Variants in OR2L2 observed in about 807,000 individuals in gnomAD.
The protein encoded by OR2L2 is olfactory receptor family 2 subfamily L member 2, also known as olfactory receptor 2L2.
For missense variants in OR2L2, 378 were observed against 375.2 expected (o/e 1.01, Z -0.06); for synonymous variants, 156 against 135.4 (o/e 1.15, Z -1.06).
At chr1:248,034,056 A>G (rs538707041) in intron 1 of OR2L2, among the ~76,000 whole-genome samples, 11 of 152,146 alleles carry the variant, frequency 7.2e-5, no homozygotes, top group Non-Finnish European at 1.6e-4. Flanking sequence ...ATTAATGTTC[A>G]CAAATCAGCT....
intron 1 of OR2L2, among the ~76,000 whole-genome samples, chr1:248,031,965 G>A (rs547871069): frequency 6.6e-6 from 1 of 151,690 alleles, no homozygotes; most frequent in Non-Finnish European, 1.5e-5. Flanking sequence ...GTTTGTCATC[G>A]ACTGCCCTAT....
Position 248,039,826 on chromosome 1 carries a change from T to C in OR2L2, c.*620T>C, listed in dbSNP as rs1662893686. On this transcript the variant is annotated 3_prime_UTR_variant, in exon 3 of 3. Transcript: ENST00000641771. ...AGTTTTTATTTACTCTCAACTGGTA[T>C]GTATGTCTTCTTCTTTTTCTTAAAG... The C allele has an allele frequency of 6.6e-6, 1 of 152,216 alleles. No homozygotes were observed. Among genetic ancestry groups the C allele is most frequent in the African/African-American group, 2.4e-5 (1 of 41,450 alleles). The allele number at this position is 152,216 out of a possible 1,614,324, so 9.4% of individuals were successfully genotyped here. A position where few individuals can be genotyped will look rare whatever the true frequency, so the allele number is the denominator to read the frequency against.
intron 2 of OR2L2, among the ~76,000 whole-genome samples, chr1:248,037,753 C>G (rs73141394): frequency 0.037 from 5,567 of 152,226 alleles, 348 homozygotes; most frequent in African/African-American, 0.13. Context: ...GTTTTGCTTT[C>G]CGTGGTTTCT....
Position 248,040,789 on chromosome 1 carries a change from A to G in OR2L2, c.*1583A>G, listed in dbSNP as rs561726264. On this transcript the variant is annotated 3_prime_UTR_variant, in exon 3 of 3. Transcript: ENST00000641771. ...GAGTTCAAAGTTAAATGCATATTCTACTGCTTGGCGGTCAGTGACCCTAAT... is the reference window on the plus strand; with the variant it reads ...GAGTTCAAAGTTAAATGCATATTCTGCTGCTTGGCGGTCAGTGACCCTAAT... The G allele has an allele frequency of 7.6e-4, 116 of 152,274 alleles. No homozygotes were observed. Among genetic ancestry groups the G allele is most frequent in the African/African-American group, 2.7e-3 (114 of 41,562 alleles). The allele number at this position is 152,274 out of a possible 1,614,324, so 9.4% of individuals were successfully genotyped here.
At chr1:248,038,165 C>T (rs2103095856) in intron 2 of OR2L2, 82 bp from the exon 3 acceptor site, 2 of 780,994 alleles carry the variant, frequency 2.6e-6, no homozygotes, top group East Asian at 2.5e-5. Context: ...CAGTTTCAGG[C>T]ATCCACTGGG....
rs1572684936 is a variant in OR2L2, at chr1:248,031,325, A to C, written c.-97+1090A>C. ...GAGATGCTACATTGGTGTTCATGAG[A>C]TATTGTAACATCGCAGAACACATCT... On this transcript the variant is annotated intron_variant, in intron 1 of 2. Coordinates refer to ENST00000641771, the MANE Select transcript of OR2L2 (RefSeq NM_001385855.1). Among the ~76,000 whole-genome samples the C allele has an allele frequency of 4.6e-5, 7 of 152,308 alleles. No individual in the cohort carries two copies. The South Asian group carries it at 1.4e-3, about 32-fold the overall frequency.
intron 1 of OR2L2, among the ~76,000 whole-genome samples, chr1:248,035,282 C>T (rs1429399555): frequency 6.6e-6 from 1 of 151,982 alleles, no homozygotes. Context: ...AACCCCGTCT[C>T]TACTAAAAAT....
At chr1:248,036,983 C>T (rs1056763947) in intron 2 of OR2L2, among the ~76,000 whole-genome samples, 4 of 152,030 alleles carry the variant, frequency 2.6e-5, no homozygotes, top group Admixed American at 6.5e-5. Context: ...ACATCGTATA[C>T]GGGGAGAGCT....
Position 248,039,278 on chromosome 1 carries a change from C to T in OR2L2, c.*72C>T, listed in dbSNP as rs1662874703. The T allele has an allele frequency of 1.5e-6, 2 of 1,357,422 alleles. No individual in the cohort carries two copies. The highest frequency in any genetic ancestry group is 2.3e-5 in the East Asian group (1 of 43,478). 84.1% of individuals were successfully genotyped at this position (1,357,422 alleles called of 1,614,324 possible). A position where few individuals can be genotyped will look rare whatever the true frequency, so the allele number is the denominator to read the frequency against. On this transcript the variant is annotated 3_prime_UTR_variant, in exon 3 of 3. Transcript: ENST00000641771. ...AGTAGTGTACAGCAGTGAAGAAAAA[C>T]ATTATTACATGCCCAGTGTGTCAAA...
intron 1 of OR2L2, 62 bp downstream of exon 1, chr1:248,030,297 A>T (rs1278696554): frequency 6.6e-6 from 1 of 152,190 alleles, no homozygotes; most frequent in Non-Finnish European, 1.5e-5. Context: ...GACTCTGGCA[A>T]GTGCTTAAGA....
chr1:248,032,713 C>T (rs772631039), intron 1 of OR2L2, among the ~76,000 whole-genome samples: 9 of 152,014 alleles, frequency 5.9e-5, no homozygotes, highest in Non-Finnish European at 1.2e-4. Context: ...AATAATATTC[C>T]ATTGTATGTA....
chr1:248,030,503 A>G (rs1470774016), intron 1 of OR2L2, among the ~76,000 whole-genome samples: 1 of 152,188 alleles, frequency 6.6e-6, no homozygotes, highest in Non-Finnish European at 1.5e-5. Flanking sequence ...ATTATATTAG[A>G]CTATGCTTTC....
chr1:248,038,737 C>T lies in OR2L2; in HGVS notation c.470C>T (p.Ala157Val), dbSNP rs375260042. ...SWMISSINSC[A>V]HTVYALCIPY... ...ATGATAAGCTCTATCAACTCTTGTG[C>T]TCACACAGTATATGCACTCTGTATC... The change falls in exon 3 of 3, where the codon GCT becomes GTT. Residue 157 changes from alanine (A) to valine (V), a missense_variant. Physicochemically the swap from Ala to Val is moderately conservative, Grantham distance 64. Coordinates refer to ENST00000641771, the MANE Select transcript of OR2L2 (RefSeq NM_001385855.1). 15 of 1,614,012 alleles carry T rather than the reference C, an allele frequency of 9.3e-6. No individual in the cohort carries two copies. Among genetic ancestry groups the T allele is most frequent in the South Asian group, 2.2e-5 (2 of 91,088 alleles).
intron 2 of OR2L2, among the ~76,000 whole-genome samples, chr1:248,037,148 T>C (rs1662786477): frequency 6.6e-6 from 1 of 152,114 alleles, no homozygotes; most frequent in Non-Finnish European, 1.5e-5. Flanking sequence ...TGAATTACAT[T>C]TCATGAAAAA....
chr1:248,030,833 G>T (rs1393064446), intron 1 of OR2L2, among the ~76,000 whole-genome samples: 1 of 152,160 alleles, frequency 6.6e-6, no homozygotes, highest in Non-Finnish European at 1.5e-5. Flanking sequence ...GTGCCAGTGT[G>T]TGGAGATAGT....
At chr1:248,031,806 C>A (rs547141711) in intron 1 of OR2L2, among the ~76,000 whole-genome samples, 2 of 151,926 alleles carry the variant, frequency 1.3e-5, no homozygotes, top group African/African-American at 4.8e-5. Context: ...AGGGGGAGAT[C>A]GGAAAAATAA....
intron 1 of OR2L2, among the ~76,000 whole-genome samples, chr1:248,031,222 C>A (rs953033635): frequency 5.3e-5 from 8 of 152,100 alleles, no homozygotes; most frequent in Non-Finnish European, 2.9e-5. Context: ...ACTGCTTTCT[C>A]ATTAGGGACA....
At position 248,035,556 on chromosome 1, in the gene OR2L2, G is replaced by A. The variant is rs555479696; in HGVS notation, c.-90G>A. 1.2e-4 allele frequency: 19 copies of A among 152,182 alleles called. No individual in the cohort carries two copies. The highest frequency in any genetic ancestry group is 2.1e-4 in the South Asian group (1 of 4,826). The allele number at this position is 152,182 out of a possible 1,614,324, so 9.4% of individuals were successfully genotyped here. A position where few individuals can be genotyped will look rare whatever the true frequency, so the allele number is the denominator to read the frequency against. Reference sequence around the variant, plus strand: ...CTTTAATGTTTTATTCAAGTAATGCGTAGACATGGTGACAACAGTCCACAG... The same window carrying A: ...CTTTAATGTTTTATTCAAGTAATGCATAGACATGGTGACAACAGTCCACAG... On this transcript the variant is annotated 5_prime_UTR_variant, in exon 2 of 3. Coordinates refer to ENST00000641771, the MANE Select transcript of OR2L2 (RefSeq NM_001385855.1).
chr1:248,041,585 G>C lies in OR2L2; in HGVS notation c.*2379G>C, dbSNP rs1316665535. ...GAGTGAACAGGCAACCTACAGAATGGGAGAAAATTTTTGCAACCTACTCAT... is the reference window on the plus strand; with the variant it reads ...GAGTGAACAGGCAACCTACAGAATGCGAGAAAATTTTTGCAACCTACTCAT... On this transcript the variant is annotated 3_prime_UTR_variant, in exon 3 of 3. Transcript: ENST00000641771. The C allele has an allele frequency of 2.6e-5, 4 of 152,098 alleles. No homozygotes were observed. Among genetic ancestry groups the C allele is most frequent in the African/African-American group, 7.2e-5 (3 of 41,482 alleles). 9.4% of individuals were successfully genotyped at this position (152,098 alleles called of 1,614,324 possible). A position where few individuals can be genotyped will look rare whatever the true frequency, so the allele number is the denominator to read the frequency against.
Sources: allele counts gnomAD v4.1 joint callset (sites outside exome capture counted in the v4.1 genomes callset), GRCh38; gene constraint gnomAD v4.1.1; transcripts MANE v1.5; gene names NCBI Gene and HGNC (gene_info 2026-07-23, HGNC 2026-07-21).